LGR4: variants seen among roughly 807,000 people sequenced by gnomAD.
LGR4 encodes leucine-rich repeat-containing G protein-coupled receptor 4.
LGR4 carries 44 observed loss-of-function variants against 84.8 expected under a neutral mutation model. The ratio of observed to expected loss-of-function variants is 0.52; its 90% CI spans 0.41 to 0.67. The LOEUF is 0.67. Among genes scored for constraint, LGR4 ranks in the 30% least tolerant of loss-of-function variants. The probability of loss-of-function intolerance (pLI) is 0.00; values close to 1 mark genes in which losing one functional copy is unlikely to be tolerated. For missense variants in LGR4, 1,032 were observed against 1,131.4 expected (o/e 0.91, Z 1.26); for synonymous variants, 429 against 434.3 (o/e 0.99, Z 0.15).
At position 27,368,499 on chromosome 11, in the gene LGR4, G is replaced by T; in HGVS notation, c.2224C>A (p.Gln742Lys). Reference protein sequence around the residue: ...LEKEDLSENSQSSMIKHVAWL... With the variant: ...LEKEDLSENSKSSMIKHVAWL... ...GCGACATGCTTAATCATGCTAGATTGTGAGTTTTCTGAGAGGTCCTCTTTT... is the reference window on the plus strand; with the variant it reads ...GCGACATGCTTAATCATGCTAGATTTTGAGTTTTCTGAGAGGTCCTCTTTT... The change falls in exon 18 of 18, where the codon CAA becomes AAA. Residue 742 changes from glutamine to lysine, a missense_variant. Physicochemically the swap from Gln to Lys is moderately conservative, Grantham distance 53. Coordinates refer to ENST00000379214, the MANE Select transcript of LGR4 (RefSeq NM_018490.5). The T allele has an allele frequency of 1.2e-6, 2 of 1,614,186 alleles. No individual in the cohort carries two copies. Among genetic ancestry groups the T allele is most frequent in the Non-Finnish European group, 1.7e-6 (2 of 1,180,032 alleles).
intron 1 of LGR4, among the ~76,000 whole-genome samples, chr11:27,448,459 A>C (rs1201133047): frequency 6.6e-6 from 1 of 151,610 alleles, no homozygotes; most frequent in East Asian, 1.9e-4. Flanking sequence ...TGCCTGGCTA[A>C]TTTTGTATTT....
chr11:27,434,843 C>T (rs559134287), intron 1 of LGR4, among the ~76,000 whole-genome samples: 9 of 152,184 alleles, frequency 5.9e-5, no homozygotes, highest in African/African-American at 2.2e-4. Flanking sequence ...AGGGGAGGAA[C>T]ATTAAATTTA....
At chr11:27,417,352 C>A (rs1243575112) in intron 1 of LGR4, among the ~76,000 whole-genome samples, 3 of 152,088 alleles carry the variant, frequency 2.0e-5, no homozygotes, top group East Asian at 3.9e-4. Flanking sequence ...ATAAAAAAAA[C>A]TCTCCCAATG....
chr11:27,385,064 C>A (rs753208585), intron 5 of LGR4, among the ~76,000 whole-genome samples, 189 bp downstream of exon 5: 3 of 152,144 alleles, frequency 2.0e-5, no homozygotes, highest in Non-Finnish European at 4.4e-5. Flanking sequence ...GGAGATTCAA[C>A]AATTATCATC....
chr11:27,430,939 C>T (rs2042170277), intron 1 of LGR4, among the ~76,000 whole-genome samples: 1 of 151,894 alleles, frequency 6.6e-6, no homozygotes, highest in Admixed American at 6.6e-5. Context: ...CTCCTCCTTC[C>T]ACCTTTGCAC....
chr11:27,445,987 G>A (rs549128892), intron 1 of LGR4, among the ~76,000 whole-genome samples: 39 of 152,178 alleles, frequency 2.6e-4, no homozygotes, highest in African/African-American at 7.9e-4. Context: ...ATAGAATATC[G>A]AAAGACAATC....
At chr11:27,463,740 C>T (rs748258515) in intron 1 of LGR4, among the ~76,000 whole-genome samples, 3 of 151,906 alleles carry the variant, frequency 2.0e-5, no homozygotes, top group Non-Finnish European at 4.4e-5. Flanking sequence ...GAACCGAGAT[C>T]GTGCCACTGC....
intron 16 of LGR4, 112 bp from the exon 17 acceptor site, chr11:27,371,810 C>T: frequency 1.4e-6 from 1 of 709,578 alleles, no homozygotes; most frequent in Non-Finnish European, 2.4e-6. Context: ...ATAGAAGGTT[C>T]AATAACATAT....
At chr11:27,430,669 C>T (rs893951533) in intron 1 of LGR4, among the ~76,000 whole-genome samples, 3 of 152,122 alleles carry the variant, frequency 2.0e-5, no homozygotes, top group Non-Finnish European at 4.4e-5. Flanking sequence ...AAGCCATCAC[C>T]ATCTCTCCCG....
At chr11:27,412,366 C>A (rs1590372932) in intron 2 of LGR4, among the ~76,000 whole-genome samples, 1 of 152,252 alleles carries the variant, frequency 6.6e-6, no homozygotes, top group South Asian at 2.1e-4. Context: ...TTTCTGCTGG[C>A]TCACTGTTGA....
chr11:27,421,542 G>A (rs2095960624), intron 1 of LGR4, among the ~76,000 whole-genome samples: 1 of 152,190 alleles, frequency 6.6e-6, no homozygotes, highest in Admixed American at 6.5e-5. Context: ...GCTAACACTA[G>A]AAGGTAGAAA....
At chr11:27,442,762 A>T (rs1348202306) in intron 1 of LGR4, among the ~76,000 whole-genome samples, 1 of 152,216 alleles carries the variant, frequency 6.6e-6, no homozygotes, top group African/African-American at 2.4e-5. Flanking sequence ...AATGAAGAAG[A>T]GAGGGCCGTA....
In LGR4 at chr11:27,461,836, ATTTTTT is replaced by A. The variant is rs35205372; in HGVS notation, c.185+10276_185+10281del. Among the ~76,000 whole-genome samples, 13 of 76,582 alleles carry A rather than the reference ATTTTTT, an allele frequency of 1.7e-4. No homozygotes were observed. In the Admixed American group the frequency reaches 1.8e-3, roughly 10 times the overall value. The allele number at this position is 76,582 out of a possible 152,430, so 50.2% of individuals were successfully genotyped here. ...GAAGGTTCCCAAAGATTGAGTTAGG[ATTTTTT>A]TTTTTTTTTTTTTTTTTTTGAGGTG... is the stretch of plus-strand genomic sequence containing the variant. On this transcript the variant is annotated intron_variant, in intron 1 of 17. Coordinates refer to ENST00000379214, the MANE Select transcript of LGR4 (RefSeq NM_018490.5).
At chr11:27,445,265 T>C (rs1402769564) in intron 1 of LGR4, among the ~76,000 whole-genome samples, 1 of 152,140 alleles carries the variant, frequency 6.6e-6, no homozygotes, top group Non-Finnish European at 1.5e-5. Context: ...CGGGCCAGTG[T>C]GAGAGACTGG....
In LGR4 at chr11:27,453,319, G is replaced by A. The variant is rs566637120; in HGVS notation, c.185+18799C>T. 1.1e-3 allele frequency among the ~76,000 whole-genome samples: 174 copies of A among 152,120 alleles called. 2 individuals carry two copies. Among genetic ancestry groups the A allele is most frequent in the Non-Finnish European group, 4.9e-4 (33 of 67,974 alleles). On this transcript the variant is annotated intron_variant, in intron 1 of 17. Transcript: ENST00000379214. ...CCCAACCTCATGATGTGCCCACCTC[G>A]GCCTCCCAAAGTGCTGGGATTACAG... is the stretch of plus-strand genomic sequence containing the variant.
chr11:27,395,746 C>T (rs1014666772), intron 2 of LGR4, among the ~76,000 whole-genome samples: 24 of 152,230 alleles, frequency 1.6e-4, no homozygotes, highest in African/African-American at 5.3e-4. Context: ...AATGTATCTA[C>T]GTAAGTTTAC....
At chr11:27,399,584 A>T (rs531650486) in intron 2 of LGR4, among the ~76,000 whole-genome samples, 17 of 150,012 alleles carry the variant, frequency 1.1e-4, no homozygotes, top group African/African-American at 4.2e-4. Context: ...CAGTGGCGTG[A>T]TCTCTGCTCA....
intron 1 of LGR4, among the ~76,000 whole-genome samples, chr11:27,468,486 C>T (rs539102787): frequency 6.6e-6 from 1 of 152,252 alleles, no homozygotes; most frequent in East Asian, 1.9e-4. Context: ...AAGAACTCCT[C>T]CAAGTAATAA....
chr11:27,466,336 T>C lies in LGR4; in HGVS notation c.185+5782A>G, dbSNP rs555638841. Among the ~76,000 whole-genome samples, 430 of 152,298 alleles carry C rather than the reference T, an allele frequency of 2.8e-3. 2 individuals carry two copies. The highest frequency in any genetic ancestry group is 8.5e-3 in the Admixed American group (130 of 15,290). The stretch of plus-strand genomic sequence containing the variant: ...CTTGCAACTTTACTTAATATTCTAC[T>C]CAGATTCACAGAAATTCAAAGCAAA... On this transcript the variant is annotated intron_variant, in intron 1 of 17. Coordinates refer to ENST00000379214, the MANE Select transcript of LGR4 (RefSeq NM_018490.5).
Sources: allele counts gnomAD v4.1 joint callset (sites outside exome capture counted in the v4.1 genomes callset), GRCh38; gene constraint gnomAD v4.1.1; transcripts MANE v1.5; gene names NCBI Gene and HGNC (gene_info 2026-07-23, HGNC 2026-07-21).